MPZL3: variants seen among roughly 807,000 people sequenced by gnomAD.
The protein encoded by MPZL3 is myelin protein zero-like protein 3.
A neutral mutation model predicts 24.8 loss-of-function variants in MPZL3; 23 were observed. That is an observed-to-expected ratio of 0.93 (90% confidence interval 0.67 to 1.31). MPZL3 has a LOEUF of 1.31. Among genes scored for constraint, MPZL3 ranks in the 40% most tolerant of loss-of-function variants. The pLI, the probability that MPZL3 is intolerant of heterozygous loss-of-function variation, is 0.00. For synonymous variants in MPZL3, 99 were observed against 106.5 expected (o/e 0.93, Z 0.44); for missense variants, 277 against 294.9 (o/e 0.94, Z 0.44).
At chr11:118,246,860 A>G (rs1422392280) in intron 1 of MPZL3, among the ~76,000 whole-genome samples, 1 of 152,174 alleles carries the variant, frequency 6.6e-6, no homozygotes, top group East Asian at 1.9e-4. Flanking sequence ...TGCTGGGATT[A>G]CAGGCGTGAG....
intron 1 of MPZL3, among the ~76,000 whole-genome samples, chr11:118,245,082 A>G (rs542527216): frequency 4.6e-5 from 7 of 152,122 alleles, no homozygotes; most frequent in East Asian, 1.9e-4. Context: ...TCTCAAAAAA[A>G]GAAGAAAAAA....
At chr11:118,244,072 C>T (rs192566571) in intron 1 of MPZL3, among the ~76,000 whole-genome samples, 2 of 152,164 alleles carry the variant, frequency 1.3e-5, no homozygotes, top group African/African-American at 4.8e-5. Context: ...TTGTAAAATC[C>T]GAGGGATAAA....
At chr11:118,235,360 G>A in intron 4 of MPZL3, 64 bp downstream of exon 4, 1 of 1,516,584 alleles carries the variant, frequency 6.6e-7, no homozygotes, top group Non-Finnish European at 8.9e-7. Context: ...GTGTGGATGT[G>A]GGGGTCTGGG....
chr11:118,240,859 T>C (rs1949488903), intron 1 of MPZL3, among the ~76,000 whole-genome samples: 1 of 152,028 alleles, frequency 6.6e-6, no homozygotes, highest in Non-Finnish European at 1.5e-5. Flanking sequence ...GAAGCTACCA[T>C]TGCCTCATCA....
At position 118,235,242 on chromosome 11, in the gene MPZL3, A is replaced by G. The variant is rs956654034; in HGVS notation, c.617+182T>C. Among the ~76,000 whole-genome samples, 4 of 152,220 alleles carry G rather than the reference A, an allele frequency of 2.6e-5. 1 individual carries two copies. Among genetic ancestry groups the G allele is most frequent in the Admixed American group, 2.6e-4 (4 of 15,278 alleles). ...CTCCCCCATCTCTCTCCAAATTAAT[A>G]TTCACACACATCACTTTCAACCTTC... On this transcript the variant is annotated intron_variant, in intron 4 of 5. Coordinates refer to ENST00000278949, the MANE Select transcript of MPZL3 (RefSeq NM_198275.3).
At chr11:118,252,147 A>C in intron 1 of MPZL3, 75 bp downstream of exon 1, 1 of 1,514,518 alleles carries the variant, frequency 6.6e-7, no homozygotes. Context: ...AGACCCCCCT[A>C]CCCGGAACCG....
chr11:118,243,415 T>C (rs2134711305), intron 1 of MPZL3, among the ~76,000 whole-genome samples: 1 of 152,338 alleles, frequency 6.6e-6, no homozygotes, highest in East Asian at 1.9e-4. Flanking sequence ...CCTTTTCCTA[T>C]GCGAGGCCAG....
rs990209808 is a variant in MPZL3 at position 118,235,421 on chromosome 11, T to C, written c.617+3A>G. ...TGCTGCCCAGGGCTCCTGCTGGACTTACTCATCGGAAACCTCAATAGATGA... is the reference window on the plus strand; with the variant it reads ...TGCTGCCCAGGGCTCCTGCTGGACTCACTCATCGGAAACCTCAATAGATGA... On this transcript the variant is annotated splice_donor_region_variant and intron_variant, in intron 4 of 5. Transcript: ENST00000278949. The C allele has an allele frequency of 6.2e-7, 1 of 1,613,366 alleles. No individual in the cohort carries two copies. Among genetic ancestry groups the C allele is most frequent in the Non-Finnish European group, 8.5e-7 (1 of 1,179,680 alleles).
intron 4 of MPZL3, 77 bp downstream of exon 4, chr11:118,235,347 A>T: frequency 6.8e-7 from 1 of 1,476,538 alleles, no homozygotes; most frequent in Non-Finnish European, 9.2e-7. Flanking sequence ...AGAAGAAAGG[A>T]AGGTGTGGAT....
intron 4 of MPZL3, among the ~76,000 whole-genome samples, chr11:118,235,170 A>G (rs1007083986): frequency 1.3e-5 from 2 of 152,196 alleles, no homozygotes; most frequent in African/African-American, 4.8e-5. Flanking sequence ...AGACCATGGC[A>G]CTGTACAATC....
rs765878108 is a variant in MPZL3, at chr11:118,237,048, A to G, written c.451+2T>C. 3.7e-6 allele frequency: 6 copies of G among 1,613,520 alleles called. No individual in the cohort carries two copies. The South Asian group carries it at 6.6e-5, about 18-fold the overall frequency. The stretch of plus-strand genomic sequence containing the variant: ...GAAGAAGGTTGGTGGCAATGAGCTT[A>G]CCCCTTTCTGTGACTGTTAGCTCTG... On this transcript the variant is annotated splice_donor_variant, in intron 3 of 5. Coordinates refer to ENST00000278949, the MANE Select transcript of MPZL3 (RefSeq NM_198275.3). LOFTEE classifies it high-confidence loss of function.
At chr11:118,246,375 G>A (rs1434991718) in intron 1 of MPZL3, among the ~76,000 whole-genome samples, 2 of 151,774 alleles carry the variant, frequency 1.3e-5, no homozygotes, top group Non-Finnish European at 2.9e-5. Flanking sequence ...AATCGAATGC[G>A]GTAAACATTT....
Position 118,235,496 on chromosome 11 carries a change from C to T in MPZL3, c.545G>A (p.Gly182Glu), listed in dbSNP as rs756457527. The part of the protein sequence containing the change: ...VVVALLLVRM[G>E]RKAAGLKKRS... ...CTTCTTCAGCCCAGCAGCCTTCCTC[C>T]CCATTCTCACCAGCAGCAGAGCAAC... The change falls in exon 4 of 6, where the codon GGG becomes GAG. Residue 182 changes from glycine to glutamate, a missense_variant. Transcript: ENST00000278949. 8.1e-6 allele frequency: 13 copies of T among 1,613,988 alleles called. No individual in the cohort carries two copies. Among genetic ancestry groups the T allele is most frequent in the Middle Eastern group, 1.7e-4 (1 of 6,060 alleles).
At chr11:118,239,311 A>G (rs1591494009) in intron 2 of MPZL3, among the ~76,000 whole-genome samples, 1 of 152,344 alleles carries the variant, frequency 6.6e-6, no homozygotes, top group Non-Finnish European at 1.5e-5. Flanking sequence ...GGAGTCCCCT[A>G]CCTAGCCTCA....
intron 1 of MPZL3, among the ~76,000 whole-genome samples, chr11:118,248,009 G>A (rs1477383215): frequency 6.7e-6 from 1 of 150,284 alleles, no homozygotes; most frequent in East Asian, 2.0e-4. Flanking sequence ...ACAGAGCCTA[G>A]CATATTGTGG....
rs1464848621 is a variant in MPZL3 at position 118,240,338 on chromosome 11, G to A, written c.113C>T (p.Ala38Val). Residue 38 changes from alanine to valine, a missense_variant, in exon 2 of 6, where the codon GCC becomes GTC. Physicochemically the swap from Ala to Val is moderately conservative, Grantham distance 64. Transcript: ENST00000278949. ...TTCTCCAACATAACCTCGGACATGG[G>A]CATCTGCACGAATCTCCAAGGAAAA... ...IVFSLEIRAD[A>V]HVRGYVGEKI... 1 of 1,607,158 alleles carries A rather than the reference G, an allele frequency of 6.2e-7. No homozygotes were observed. The highest frequency in any genetic ancestry group is 1.3e-5 in the African/African-American group (1 of 74,568).
chr11:118,232,468 A>G (rs1352332028), intron 5 of MPZL3, among the ~76,000 whole-genome samples: 1 of 152,096 alleles, frequency 6.6e-6, no homozygotes, highest in Non-Finnish European at 1.5e-5. Context: ...CCAGGCAAAG[A>G]ACATTCAGTT....
intron 5 of MPZL3, 57 bp downstream of exon 5, chr11:118,233,403 T>C: frequency 6.3e-7 from 1 of 1,588,788 alleles, no homozygotes; most frequent in Admixed American, 1.7e-5. Flanking sequence ...TGGATCCTCT[T>C]AGGTAAGCAG....
chr11:118,246,133 T>C (rs1050116792), intron 1 of MPZL3, among the ~76,000 whole-genome samples: 4 of 152,216 alleles, frequency 2.6e-5, no homozygotes, highest in Non-Finnish European at 2.9e-5. Context: ...GTATCAAATA[T>C]CTAATGCTAT....
Sources: gnomAD v4.1 joint callset for allele counts (sites outside exome capture counted in the v4.1 genomes callset) on GRCh38, gnomAD v4.1.1 for gene constraint, MANE v1.5 for transcripts, NCBI Gene and HGNC (gene_info 2026-07-23, HGNC 2026-07-21) for gene names.